The following HLCS variants were observed in gnomAD, a reference collection of about 807,000 sequenced individuals.
HLCS encodes holocarboxylase synthetase, also known as biotin--protein ligase.
HLCS carries 53 observed loss-of-function variants against 75.0 expected under a neutral mutation model. The ratio of observed to expected loss-of-function variants is 0.71; its 90% CI spans 0.57 to 0.89. The LOEUF is 0.89. Among genes scored for constraint, HLCS ranks in the 40% least tolerant of loss-of-function variants. The pLI is 0.00. For synonymous variants in HLCS, 431 were observed against 428.6 expected, an observed-to-expected ratio of 1.01 and a Z score of -0.07; for missense variants, 966 against 1,074.0, an observed-to-expected ratio of 0.90 and a Z score of 1.41.
chr21:36,901,151 C>T (rs1238649723), intron 5 of HLCS, among the ~76,000 whole-genome samples: 2 of 152,026 alleles, frequency 1.3e-5, no homozygotes, highest in Non-Finnish European at 1.5e-5. Flanking sequence ...GTCCCAGCTA[C>T]CTGGGAGGCT....
At chr21:36,922,204 CAT>C (rs1197504061) in intron 5 of HLCS, among the ~76,000 whole-genome samples, 1 of 152,006 alleles carries the variant, frequency 6.6e-6, no homozygotes, top group African/African-American at 2.4e-5. Flanking sequence ...GAATTGAAAT[CAT>C]AGTCTTTAAC....
At chr21:36,931,567 T>C (rs962155658) in intron 4 of HLCS, among the ~76,000 whole-genome samples, 4 of 151,842 alleles carry the variant, frequency 2.6e-5, no homozygotes, top group Admixed American at 6.6e-5. Flanking sequence ...CTGGACAACA[T>C]AGTGAAACCC....
At chr21:36,934,885 G>A (rs2066808427) in intron 4 of HLCS, among the ~76,000 whole-genome samples, 3 of 152,162 alleles carry the variant, frequency 2.0e-5, no homozygotes, top group African/African-American at 7.2e-5. Context: ...ACAGAAGACT[G>A]GAAGTCATTT....
chr21:36,952,257 G>T (rs947799955), intron 2 of HLCS, among the ~76,000 whole-genome samples: 1 of 152,096 alleles, frequency 6.6e-6, no homozygotes, highest in African/African-American at 2.4e-5. Flanking sequence ...ACCCAAATGG[G>T]AACTGTCAAC....
intron 6 of HLCS, among the ~76,000 whole-genome samples, chr21:36,815,571 T>C (rs1187797303): frequency 1.3e-5 from 2 of 152,184 alleles, no homozygotes; most frequent in Non-Finnish European, 2.9e-5. Flanking sequence ...CCAACACAAA[T>C]GCCTTGTCAC....
At chr21:36,863,945 G>A (rs2063468089) in intron 6 of HLCS, among the ~76,000 whole-genome samples, 1 of 152,200 alleles carries the variant, frequency 6.6e-6, no homozygotes, top group East Asian at 1.9e-4. Flanking sequence ...ATATTTTTAA[G>A]TTCACATAAA....
At chr21:36,873,270 A>G (rs2063836553) in intron 6 of HLCS, among the ~76,000 whole-genome samples, 1 of 152,110 alleles carries the variant, frequency 6.6e-6, no homozygotes, top group African/African-American at 2.4e-5. Context: ...GGCGTGTACC[A>G]CCACACCAAG....
chr21:36,940,011 T>C (rs906898177), intron 2 of HLCS, among the ~76,000 whole-genome samples: 1 of 152,154 alleles, frequency 6.6e-6, no homozygotes, highest in Non-Finnish European at 1.5e-5. Context: ...ATCGTGCCAC[T>C]GCACTCCAGC....
chr21:36,882,528 C>G (rs756232773), intron 6 of HLCS, among the ~76,000 whole-genome samples: 8 of 151,900 alleles, frequency 5.3e-5, no homozygotes, highest in Non-Finnish European at 8.8e-5. Context: ...GCAACCTCCA[C>G]CTCCTGGGTT....
At chr21:36,789,696 C>T (rs1465882606) in intron 6 of HLCS, among the ~76,000 whole-genome samples, 2 of 152,230 alleles carry the variant, frequency 1.3e-5, no homozygotes, top group South Asian at 4.1e-4. Flanking sequence ...ACTAACACAA[C>T]GATTGCCACC....
In HLCS at chr21:36,918,521, T is replaced by C. The variant is rs527591030; in HGVS notation, c.1620+11730A>G. Among the ~76,000 whole-genome samples, 18 of 152,300 alleles carry C rather than the reference T, an allele frequency of 1.2e-4. No individual in the cohort carries two copies. In the Middle Eastern group the frequency reaches 0.01, roughly 86 times the overall value. On this transcript the variant is annotated intron_variant, in intron 5 of 10. Coordinates refer to ENST00000674895, the MANE Select transcript of HLCS (RefSeq NM_001352514.2). ...GCTGCTCTCATCAACAAACTGTTTA[T>C]TGTAAGAAAGTGGCTGGGTCAAAGG...
rs748530297 is a variant in HLCS at position 36,749,120 on chromosome 21, G to C, written c.*5126C>G. The C allele has an allele frequency of 7.9e-5, 12 of 152,652 alleles. No homozygotes were observed. Among genetic ancestry groups the C allele is most frequent in the Non-Finnish European group, 1.6e-4 (11 of 68,046 alleles). 9.5% of individuals were successfully genotyped at this position (152,652 alleles called of 1,614,324 possible). A position where few individuals can be genotyped will look rare whatever the true frequency, so the allele number is the denominator to read the frequency against. ...AACTTCGTAAGAACATGTTACGTGTGCAACAGGTAAACAGAAATCCTTTCA... is the reference window on the plus strand; with the variant it reads ...AACTTCGTAAGAACATGTTACGTGTCCAACAGGTAAACAGAAATCCTTTCA... On this transcript the variant is annotated 3_prime_UTR_variant, in exon 11 of 11. Coordinates refer to ENST00000674895, the MANE Select transcript of HLCS (RefSeq NM_001352514.2).
chr21:36,946,064 A>C, intron 2 of HLCS: 6 of 976,962 alleles, frequency 6.1e-6, no homozygotes, highest in Non-Finnish European at 7.3e-6. Context: ...CCTGGGCCAC[A>C]AGGGTGCTCT....
Position 36,756,420 on chromosome 21 carries a change from C to T in HLCS, c.2450+122G>A. ...GAGCCAAGATCGTGCCACTGCACTC[C>T]AGCCTGGGCGACAGAGTGAGACTCC... On this transcript the variant is annotated intron_variant, in intron 10 of 10. Transcript: ENST00000674895. The T allele has an allele frequency of 1.2e-5, 8 of 666,358 alleles. No individual in the cohort carries two copies. The Admixed American group carries it at 1.3e-4, about 11-fold the overall frequency. The allele number at this position is 666,358 out of a possible 1,614,324, so 41.3% of individuals were successfully genotyped here.
At chr21:36,973,225 G>GTTTT (rs1569268629) in intron 1 of HLCS, among the ~76,000 whole-genome samples, 1 of 103,756 alleles carries the variant, frequency 9.6e-6, no homozygotes. Flanking sequence ...GAAAGACCCT[G>GTTTT]TCTTTTTTTT....
At chr21:36,972,497 T>G (rs2068818456) in intron 1 of HLCS, among the ~76,000 whole-genome samples, 1 of 152,114 alleles carries the variant, frequency 6.6e-6, no homozygotes. Context: ...ATAAGTAGGA[T>G]TCACTGTCTC....
rs1017675986 is a variant in HLCS at position 36,946,154 on chromosome 21, C to T, written c.331-7160G>A. 15 of 974,204 alleles carry T rather than the reference C, an allele frequency of 1.5e-5. No homozygotes were observed. In the African/African-American group the frequency reaches 1.9e-4, roughly 13 times the overall value. The allele number at this position is 974,204 out of a possible 1,614,324, so 60.3% of individuals were successfully genotyped here. A position where few individuals can be genotyped will look rare whatever the true frequency, so the allele number is the denominator to read the frequency against. On this transcript the variant is annotated intron_variant, in intron 2 of 10. Transcript: ENST00000674895. ...TCATCCCTAGTGGGCAAAAACCGAACCTGGCAGGGAATGGGGAGGTGAAAA... is the reference window on the plus strand; with the variant it reads ...TCATCCCTAGTGGGCAAAAACCGAATCTGGCAGGGAATGGGGAGGTGAAAA...
At chr21:36,808,281 G>A (rs887882408) in intron 6 of HLCS, among the ~76,000 whole-genome samples, 1 of 152,006 alleles carries the variant, frequency 6.6e-6, no homozygotes, top group Admixed American at 6.5e-5. Flanking sequence ...AAGGTTAAAT[G>A]GTTACTGAAT....
chr21:36,795,679 G>A (rs2061005205), intron 6 of HLCS, among the ~76,000 whole-genome samples: 1 of 152,200 alleles, frequency 6.6e-6, no homozygotes, highest in African/African-American at 2.4e-5. Context: ...TCCTGTCATA[G>A]CCTGAGACAT....
Sources: gnomAD v4.1 joint callset for allele counts (sites outside exome capture counted in the v4.1 genomes callset) on GRCh38, gnomAD v4.1.1 for gene constraint, MANE v1.5 for transcripts, NCBI Gene and HGNC (gene_info 2026-07-23, HGNC 2026-07-21) for gene names.